TNR: variants seen among roughly 807,000 people sequenced by gnomAD.
TNR encodes the protein tenascin-R.
A neutral mutation model predicts 150.4 loss-of-function variants in TNR; 45 were observed. The observed-to-expected ratio is 0.30, with a 90% CI of 0.24 to 0.38. The LOEUF (loss-of-function observed/expected upper bound fraction) is 0.38, where lower values mean the gene tolerates loss of function less well. TNR is among the 10% of genes least tolerant of loss of function. The pLI is 1.00. For missense variants in TNR, 1,544 were observed against 1,759.1 expected, an observed-to-expected ratio of 0.88 and a Z score of 2.19; for synonymous variants, 687 against 678.4, an observed-to-expected ratio of 1.01 and a Z score of -0.20.
At chr1:175,426,651 G>T (rs1654979537) in intron 2 of TNR, among the ~76,000 whole-genome samples, 1 of 151,440 alleles carries the variant, frequency 6.6e-6, no homozygotes, top group South Asian at 2.1e-4. Context: ...GAAAAGGGAT[G>T]TTCAAGCACT....
intron 2 of TNR, among the ~76,000 whole-genome samples, chr1:175,486,486 T>C (rs946191891): frequency 1.3e-5 from 2 of 152,234 alleles, no homozygotes; most frequent in Admixed American, 6.5e-5. Flanking sequence ...TAGTATTCCA[T>C]GGTGTATATG....
At chr1:175,349,248 A>G (rs559644267) in intron 18 of TNR, among the ~76,000 whole-genome samples, 47 of 152,198 alleles carry the variant, frequency 3.1e-4, no homozygotes, top group Non-Finnish European at 6.6e-4. Flanking sequence ...CATATATTCC[A>G]GAAGGCATTA....
At position 175,438,562 on chromosome 1, in the gene TNR, T is replaced by C. The variant is rs556367173; in HGVS notation, c.-63-31785A>G. On this transcript the variant is annotated intron_variant, in intron 2 of 22. Transcript: ENST00000367674. ...GGCAGGAGAAGGAAATAAAGGGCAT[T>C]CAATTAGGAAAAGAGGAAGTCAAAT... Among the ~76,000 whole-genome samples, 57 of 152,224 alleles carry C rather than the reference T, an allele frequency of 3.7e-4. 1 individual carries two copies. The highest frequency in any genetic ancestry group is 2.4e-3 in the Admixed American group (36 of 15,278).
intron 1 of TNR, among the ~76,000 whole-genome samples, chr1:175,682,051 G>A (rs556789156): frequency 1.3e-4 from 20 of 152,150 alleles, no homozygotes; most frequent in Non-Finnish European, 4.4e-5. Context: ...GATGGTTCCT[G>A]AATCAGTTAA....
intron 1 of TNR, among the ~76,000 whole-genome samples, chr1:175,630,366 T>G (rs374276226): frequency 2.0e-5 from 3 of 152,364 alleles, no homozygotes. Flanking sequence ...ATTGAGTGTG[T>G]GTCTATCAGT....
At chr1:175,324,650 A>G (rs1649262969) in intron 21 of TNR, 131 bp from the exon 22 acceptor site, 1 of 1,091,136 alleles carries the variant, frequency 9.2e-7, no homozygotes, top group Non-Finnish European at 1.3e-6. Context: ...CCAGTTTCTC[A>G]GAGTGGCTGT....
Position 175,494,484 on chromosome 1 carries a change from C to T in TNR, c.-64+33785G>A, listed in dbSNP as rs143857871. Reference sequence around the variant, plus strand: ...GGTTCAAGAGTGATACACGGTGGAGCTTTCTGGCCAGAGAAACTGCCTGTC... The same window carrying T: ...GGTTCAAGAGTGATACACGGTGGAGTTTTCTGGCCAGAGAAACTGCCTGTC... On this transcript the variant is annotated intron_variant, in intron 2 of 22. Coordinates refer to ENST00000367674, the MANE Select transcript of TNR (RefSeq NM_003285.3). 3.0e-3 allele frequency among the ~76,000 whole-genome samples: 462 copies of T among 152,274 alleles called. 2 individuals are homozygous for T. Among genetic ancestry groups the T allele is most frequent in the African/African-American group, 0.011 (437 of 41,568 alleles).
chr1:175,326,045 A>G (rs1031808321), intron 21 of TNR, among the ~76,000 whole-genome samples: 1 of 152,198 alleles, frequency 6.6e-6, no homozygotes, highest in East Asian at 1.9e-4. Flanking sequence ...TTTAGGCTAA[A>G]TATACAAGGA....
At chr1:175,336,785 C>T (rs1272415143) in intron 19 of TNR, among the ~76,000 whole-genome samples, 1 of 152,186 alleles carries the variant, frequency 6.6e-6, no homozygotes, top group Non-Finnish European at 1.5e-5. Flanking sequence ...TTTGGGGCCT[C>T]ATCTGCTTTC....
intron 6 of TNR, 69 bp downstream of exon 6, chr1:175,393,711 C>A: frequency 7.7e-7 from 1 of 1,304,958 alleles, no homozygotes; most frequent in Non-Finnish European, 1.1e-6. Flanking sequence ...CCTTGCTGCC[C>A]CTGATTCCAA....
chr1:175,638,482 G>A (rs373492944), intron 1 of TNR, among the ~76,000 whole-genome samples: 7 of 152,304 alleles, frequency 4.6e-5, no homozygotes, highest in African/African-American at 1.7e-4. Context: ...TCGTGCATAT[G>A]GCTTCAGGCC....
intron 1 of TNR, among the ~76,000 whole-genome samples, chr1:175,622,058 A>G (rs903152799): frequency 6.6e-6 from 1 of 152,242 alleles, no homozygotes; most frequent in Non-Finnish European, 1.5e-5. Flanking sequence ...AATCCATGTA[A>G]AGCACTAAGC....
chr1:175,428,749 T>C (rs1557928563), intron 2 of TNR, among the ~76,000 whole-genome samples: 2 of 152,180 alleles, frequency 1.3e-5, no homozygotes, highest in Admixed American at 1.3e-4. Flanking sequence ...CAAGCTTTTT[T>C]CCCCCTGTGC....
intron 1 of TNR, among the ~76,000 whole-genome samples, chr1:175,683,131 A>G (rs1039224874): frequency 6.6e-6 from 1 of 152,018 alleles, no homozygotes; most frequent in Non-Finnish European, 1.5e-5. Context: ...GACTTTGTGC[A>G]CTGGTCAAAA....
intron 1 of TNR, among the ~76,000 whole-genome samples, chr1:175,629,508 G>C: frequency 6.6e-6 from 1 of 152,130 alleles, no homozygotes; most frequent in East Asian, 1.9e-4. Flanking sequence ...ATAGAGATGT[G>C]GGGGAGGGGT....
intron 1 of TNR, among the ~76,000 whole-genome samples, chr1:175,637,175 G>A (rs998721549): frequency 6.6e-6 from 1 of 152,146 alleles, no homozygotes; most frequent in Non-Finnish European, 1.5e-5. Context: ...CTCTGGGCTT[G>A]CCTTTTGTTT....
rs1648847631 is a variant in TNR, at chr1:175,316,490, T to G, written c.*6867A>C. On this transcript the variant is annotated 3_prime_UTR_variant, in exon 23 of 23. Coordinates refer to ENST00000367674, the MANE Select transcript of TNR (RefSeq NM_003285.3). ...TTATAGGATATCTGCATTTGTGCTATCCATACTGGTTTGAATACACTAATA... is the reference window on the plus strand; with the variant it reads ...TTATAGGATATCTGCATTTGTGCTAGCCATACTGGTTTGAATACACTAATA... 6.6e-6 allele frequency: 1 copy of G among 152,260 alleles called. No homozygotes were observed. The highest frequency in any genetic ancestry group is 1.5e-5 in the Non-Finnish European group (1 of 68,048). The allele number at this position is 152,260 out of a possible 1,614,324, so 9.4% of individuals were successfully genotyped here. A position where few individuals can be genotyped will look rare whatever the true frequency, so the allele number is the denominator to read the frequency against.
intron 4 of TNR, 130 bp from the exon 5 acceptor site, chr1:175,396,937 G>A (rs1653456543): frequency 1.2e-5 from 15 of 1,221,710 alleles, no homozygotes; most frequent in Non-Finnish European, 1.6e-5. Context: ...ATGGCTTTAA[G>A]TGATTTGTAA....
intron 1 of TNR, among the ~76,000 whole-genome samples, chr1:175,705,895 G>GT (rs1666832644): frequency 6.6e-6 from 1 of 152,180 alleles, no homozygotes; most frequent in Non-Finnish European, 1.5e-5. Context: ...TCTTCAGCCT[G>GT]TGATTGTATT....
Sources: gnomAD v4.1 joint callset for allele counts (sites outside exome capture counted in the v4.1 genomes callset) on GRCh38, gnomAD v4.1.1 for gene constraint, MANE v1.5 for transcripts, NCBI Gene and HGNC (gene_info 2026-07-23, HGNC 2026-07-21) for gene names.